Variants in MCPH1 observed in about 807,000 individuals in gnomAD.
The protein encoded by MCPH1 is microcephalin.
Under a neutral mutation model 84.5 loss-of-function variants are expected in MCPH1, and 104 were observed. The observed-to-expected ratio is 1.23, with a 90% CI of 1.05 to 1.45. MCPH1 has a LOEUF of 1.45. MCPH1 is among the 40% of genes most tolerant of loss of function. The probability of loss-of-function intolerance (pLI) is 0.00; values close to 1 mark genes in which losing one functional copy is unlikely to be tolerated. For missense variants in MCPH1, 1,498 were observed against 1,005.7 expected (o/e 1.49, Z -6.62); for synonymous variants, 514 against 366.8 (o/e 1.40, Z -4.58).
intron 9 of MCPH1, among the ~76,000 whole-genome samples, chr8:6,464,604 T>A (rs943196849): frequency 1.3e-5 from 2 of 152,192 alleles, no homozygotes; most frequent in Non-Finnish European, 2.9e-5. Context: ...TCAGTGGTCG[T>A]CTTTGGCCAC....
intron 12 of MCPH1, chr8:6,521,457 A>G (rs1817320860): frequency 1.6e-6 from 2 of 1,289,842 alleles, no homozygotes; most frequent in South Asian, 2.8e-5. Context: ...TTCTAATGAA[A>G]TATTTTATAT....
intron 12 of MCPH1, among the ~76,000 whole-genome samples, chr8:6,569,939 G>A (rs1258443604): frequency 6.6e-6 from 1 of 152,176 alleles, no homozygotes; most frequent in Non-Finnish European, 1.5e-5. Flanking sequence ...TGGACCTCGG[G>A]CATCTGAGCC....
chr8:6,424,187 A>G (rs1338214567), intron 3 of MCPH1, among the ~76,000 whole-genome samples: 2 of 152,200 alleles, frequency 1.3e-5, no homozygotes, highest in Non-Finnish European at 1.5e-5. Context: ...GGATGTAGAA[A>G]TTTTTACCTT....
chr8:6,559,653 C>T (rs938201357), intron 12 of MCPH1, among the ~76,000 whole-genome samples: 1 of 152,070 alleles, frequency 6.6e-6, no homozygotes, highest in African/African-American at 2.4e-5. Flanking sequence ...TAGTTCTTTC[C>T]TTTCCATATT....
intron 12 of MCPH1, among the ~76,000 whole-genome samples, chr8:6,602,387 C>T (rs1273598143): frequency 5.3e-5 from 8 of 152,114 alleles, no homozygotes; most frequent in Admixed American, 5.2e-4. Flanking sequence ...GGGAAGTGGC[C>T]TGGCAACCAG....
chr8:6,431,083 G>T (rs1801767542), intron 3 of MCPH1, among the ~76,000 whole-genome samples: 1 of 152,126 alleles, frequency 6.6e-6, no homozygotes, highest in African/African-American at 2.4e-5. Context: ...ACCCAATTTT[G>T]GAGGAAAGAG....
intron 2 of MCPH1, among the ~76,000 whole-genome samples, chr8:6,411,021 C>T (rs1273714006): frequency 1.3e-5 from 2 of 151,974 alleles, no homozygotes; most frequent in Non-Finnish European, 2.9e-5. Flanking sequence ...ACCTGGGAGG[C>T]GGAGGTTGCA....
chr8:6,484,110 G>T (rs537444185), intron 11 of MCPH1, among the ~76,000 whole-genome samples: 1 of 152,148 alleles, frequency 6.6e-6, no homozygotes, highest in Non-Finnish European at 1.5e-5. Context: ...TTTACTCTGT[G>T]AAAGATATTA....
At chr8:6,595,525 G>C (rs1015874689) in intron 12 of MCPH1, among the ~76,000 whole-genome samples, 2 of 152,240 alleles carry the variant, frequency 1.3e-5, no homozygotes, top group Non-Finnish European at 2.9e-5. Context: ...GGAAGAGGAG[G>C]CAGCAGCACA....
In MCPH1 at chr8:6,499,894, C is replaced by T. The variant is rs1353043911; in HGVS notation, c.2179C>T (p.Pro727Ser). The change falls in exon 12 of 14, where the codon CCG becomes TCG. Residue 727 changes from proline to serine, a missense_variant. Transcript: ENST00000344683. The stretch of plus-strand genomic sequence containing the variant: ...ATTGGGTCACTGGATTTCTGAGGAG[C>T]CGTTCGAACTGTCTCACCACTTCCC... ...LELGHWISEE[P>S]FELSHHFPAA... 18 of 1,613,438 alleles carry T rather than the reference C, an allele frequency of 1.1e-5. No individual in the cohort carries two copies. The highest frequency in any genetic ancestry group is 1.5e-5 in the Non-Finnish European group (18 of 1,180,006).
chr8:6,629,419 A>G (rs1285823323), intron 13 of MCPH1, among the ~76,000 whole-genome samples: 1 of 152,254 alleles, frequency 6.6e-6, no homozygotes, highest in Non-Finnish European at 1.5e-5. Flanking sequence ...TCGTGATCCC[A>G]CCACTGCACT....
chr8:6,486,544 C>T (rs776015189), intron 11 of MCPH1, among the ~76,000 whole-genome samples: 7 of 152,004 alleles, frequency 4.6e-5, no homozygotes, highest in Non-Finnish European at 8.8e-5. Context: ...GAAACTGTGG[C>T]GATTTTATAA....
At chr8:6,535,993 G>T (rs1039815034) in intron 12 of MCPH1, among the ~76,000 whole-genome samples, 1 of 152,132 alleles carries the variant, frequency 6.6e-6, no homozygotes, top group Admixed American at 6.5e-5. Flanking sequence ...GGAGAGCAAG[G>T]CTGCAGTGAG....
At position 6,428,896 on chromosome 8, in the gene MCPH1, G is replaced by C. The variant is rs79352762; in HGVS notation, c.234-2603G>C. 5.0e-3 allele frequency among the ~76,000 whole-genome samples: 612 copies of C among 122,862 alleles called. 2 individuals are homozygous for C. The highest frequency in any genetic ancestry group is 0.016 in the Middle Eastern group (4 of 258). The allele number at this position is 122,862 out of a possible 152,430, so 80.6% of individuals were successfully genotyped here. A position where few individuals can be genotyped will look rare whatever the true frequency, so the allele number is the denominator to read the frequency against. On this transcript the variant is annotated intron_variant, in intron 3 of 13. Transcript: ENST00000344683. ...TTGTGGCTGCTTCTGCAGATAAGCT[G>C]TTCGGTGACCTCCATATTTCTAAAT...
chr8:6,494,857 C>T (rs933784586), intron 11 of MCPH1, among the ~76,000 whole-genome samples: 2 of 152,228 alleles, frequency 1.3e-5, no homozygotes, highest in South Asian at 2.1e-4. Flanking sequence ...TATAAAATGC[C>T]ATTGAATTGC....
At chr8:6,475,407 G>T (rs948605278) in intron 9 of MCPH1, among the ~76,000 whole-genome samples, 1 of 152,170 alleles carries the variant, frequency 6.6e-6, no homozygotes, top group Admixed American at 6.5e-5. Flanking sequence ...GCTCTTTTCT[G>T]ACCCCTCTCC....
chr8:6,531,793 C>T (rs1325657444), intron 12 of MCPH1, among the ~76,000 whole-genome samples: 1 of 80,284 alleles, frequency 1.2e-5, no homozygotes, highest in African/African-American at 4.2e-5. Context: ...AGGGCTCTTG[C>T]TCGGGCGTAG....
At chr8:6,453,458 C>T (rs1805313887) in intron 8 of MCPH1, among the ~76,000 whole-genome samples, 1 of 149,936 alleles carries the variant, frequency 6.7e-6, no homozygotes, top group Non-Finnish European at 1.5e-5. Flanking sequence ...TTTCTTAGAA[C>T]TTTATGTTTA....
chr8:6,503,162 C>G, intron 12 of MCPH1: 1 of 1,614,184 alleles, frequency 6.2e-7, no homozygotes, highest in Non-Finnish European at 8.5e-7. Flanking sequence ...TGAGCCTTTC[C>G]AGTAGTACCA....
Sources: gnomAD v4.1 joint callset for allele counts (sites outside exome capture counted in the v4.1 genomes callset) on GRCh38, gnomAD v4.1.1 for gene constraint, MANE v1.5 for transcripts, NCBI Gene and HGNC (gene_info 2026-07-23, HGNC 2026-07-21) for gene names.